Variants in ANO5 observed in about 807,000 individuals in gnomAD.
The protein encoded by ANO5 is anoctamin 5.
A neutral mutation model predicts 121.0 loss-of-function variants in ANO5; 109 were observed. That is an observed-to-expected ratio of 0.90 (90% confidence interval 0.77 to 1.06). The LOEUF (loss-of-function observed/expected upper bound fraction) is 1.06. ANO5 is among the 50% of genes least tolerant of loss of function. The pLI, the probability that ANO5 is intolerant of heterozygous loss-of-function variation, is 0.00. For missense variants in ANO5, 1,064 were observed against 1,078.5 expected (o/e 0.99, Z 0.19); for synonymous variants, 406 against 359.9 (o/e 1.13, Z -1.45).
intron 7 of ANO5, among the ~76,000 whole-genome samples, chr11:22,235,394 A>T (rs1212546129): frequency 6.6e-6 from 1 of 152,116 alleles, no homozygotes. Context: ...TGGAATATGG[A>T]GCTGCTCTTA....
At chr11:22,200,728 T>G (rs1851941353) in intron 1 of ANO5, among the ~76,000 whole-genome samples, 1 of 152,180 alleles carries the variant, frequency 6.6e-6, no homozygotes, top group Admixed American at 6.5e-5. Flanking sequence ...AATATGGTTT[T>G]AATATTATTA....
At chr11:22,244,900 AGCATT>A (rs1455025585) in intron 9 of ANO5, among the ~76,000 whole-genome samples, 1 of 152,088 alleles carries the variant, frequency 6.6e-6, no homozygotes, top group Admixed American at 6.6e-5. Flanking sequence ...CTAGTTAAGA[AGCATT>A]GCTGAGGAGC....
chr11:22,244,128 G>A (rs1221911578), intron 9 of ANO5, among the ~76,000 whole-genome samples: 2 of 152,040 alleles, frequency 1.3e-5, no homozygotes, highest in Admixed American at 6.6e-5. Flanking sequence ...GAATTTGCTT[G>A]TCTGAGAAGA....
rs1411006276 is a variant in ANO5 at position 22,281,828 on chromosome 11, G to A, written c.*2063G>A. ...ATTATTGGGTTTCTGGAAGTGAATG[G>A]AGAAAACAGCAAGGGAAGAAATCGT... On this transcript the variant is annotated 3_prime_UTR_variant, in exon 22 of 22. Coordinates refer to ENST00000324559, the MANE Select transcript of ANO5 (RefSeq NM_213599.3). 1 of 152,028 alleles carries A rather than the reference G, an allele frequency of 6.6e-6. No individual in the cohort carries two copies. The highest frequency in any genetic ancestry group is 1.5e-5 in the Non-Finnish European group (1 of 67,950). The allele number at this position is 152,028 out of a possible 1,614,324, so 9.4% of individuals were successfully genotyped here.
chr11:22,238,506 T>C (rs926708443), intron 8 of ANO5, among the ~76,000 whole-genome samples: 1 of 151,982 alleles, frequency 6.6e-6, no homozygotes, highest in Non-Finnish European at 1.5e-5. Context: ...TACTTTTTAA[T>C]CTTTCTTTAC....
At chr11:22,200,253 A>G (rs1239085488) in intron 1 of ANO5, among the ~76,000 whole-genome samples, 2 of 152,160 alleles carry the variant, frequency 1.3e-5, no homozygotes, top group African/African-American at 2.4e-5. Context: ...TTTTCCATGA[A>G]GTGATAGATT....
chr11:22,211,900 A>G (rs1852288933), intron 3 of ANO5, among the ~76,000 whole-genome samples: 2 of 151,946 alleles, frequency 1.3e-5, no homozygotes, highest in Non-Finnish European at 2.9e-5. Flanking sequence ...GCTTTTCACT[A>G]GAGTACTAAT....
chr11:22,264,979 TTCC>T (rs1854313792), intron 17 of ANO5, among the ~76,000 whole-genome samples: 2 of 152,148 alleles, frequency 1.3e-5, no homozygotes, highest in Non-Finnish European at 2.9e-5. Flanking sequence ...ATTAAGAGGC[TTCC>T]ACATTAATCT....
chr11:22,245,474 C>CT, intron 9 of ANO5, among the ~76,000 whole-genome samples: 1 of 151,912 alleles, frequency 6.6e-6, no homozygotes, highest in East Asian at 1.9e-4. Context: ...TTCTCTATTC[C>CT]TTTTTTTAGT....
intron 19 of ANO5, among the ~76,000 whole-genome samples, chr11:22,274,129 A>T (rs1175980544): frequency 6.6e-6 from 1 of 151,636 alleles, no homozygotes; most frequent in Admixed American, 6.6e-5. Context: ...AACACATGAT[A>T]TTCTGCTTCT....
At chr11:22,252,253 T>G (rs1853850527) in intron 12 of ANO5, among the ~76,000 whole-genome samples, 1 of 152,114 alleles carries the variant, frequency 6.6e-6, no homozygotes, top group African/African-American at 2.4e-5. Context: ...TTTTGTAAGT[T>G]GTTGTATATA....
In ANO5 at chr11:22,250,352, A is replaced by G. The variant is rs200553437; in HGVS notation, c.994A>G (p.Met332Val). 47 of 1,613,534 alleles carry G rather than the reference A, an allele frequency of 2.9e-5. No individual in the cohort carries two copies. In the Admixed American group the frequency reaches 3.3e-4, roughly 11 times the overall value. Residue 332 changes from methionine to valine, a missense_variant, in exon 10 of 22, where the codon ATG becomes GTG. Physicochemically the swap from Met to Val is conservative, Grantham distance 21 (BLOSUM62 1). Coordinates refer to ENST00000324559, the MANE Select transcript of ANO5 (RefSeq NM_213599.3). The part of the protein sequence containing the change: ...LACFIYGLLS[M>V]EHNTSSTEIC... ...TTGTTTTATTTATGGCTTATTATCAATGGAACATAACACAAGCAGGTAAGT... is the reference window on the plus strand; with the variant it reads ...TTGTTTTATTTATGGCTTATTATCAGTGGAACATAACACAAGCAGGTAAGT...
At chr11:22,250,144 A>C (rs530176758) in intron 9 of ANO5, 93 bp from the exon 10 acceptor site, 210 of 1,257,364 alleles carry the variant, frequency 1.7e-4, no homozygotes, top group Middle Eastern at 1.1e-3. Flanking sequence ...AGTGGAGCCA[A>C]AATTAGAATA....
intron 3 of ANO5, 132 bp from the exon 4 acceptor site, chr11:22,218,114 A>AACACACACACACAC: frequency 1.5e-6 from 1 of 669,410 alleles, no homozygotes; most frequent in Non-Finnish European, 2.6e-6. Context: ...AGTTTGAAAT[A>AACACACACACACAC]TCACACACAC....
In ANO5 at chr11:22,196,530, G is replaced by C. The variant is rs117124073; in HGVS notation, c.40+2998G>C. Among the ~76,000 whole-genome samples the C allele has an allele frequency of 1.8e-4, 27 of 147,532 alleles. No homozygotes were observed. In the East Asian group the frequency reaches 5.3e-3, roughly 29 times the overall value. On this transcript the variant is annotated intron_variant, in intron 1 of 21. Coordinates refer to ENST00000324559, the MANE Select transcript of ANO5 (RefSeq NM_213599.3). ...TTTTTTTTTTTTAATGAACATTCCA[G>C]TGGATTTTTAGAACTCTGCTTCCAG...
At chr11:22,261,234 T>A (rs1168610650) in intron 15 of ANO5, 1 of 152,228 alleles carries the variant, frequency 6.6e-6, no homozygotes, top group Admixed American at 6.5e-5. Context: ...AGAGGTTTAA[T>A]TGACTCGGTT....
chr11:22,259,892 A>G, intron 15 of ANO5, 151 bp downstream of exon 15: 1 of 784,122 alleles, frequency 1.3e-6, no homozygotes, highest in East Asian at 2.7e-5. Context: ...TGCTATTTCA[A>G]AATTGCTCAA....
chr11:22,241,907 A>C (rs1300143003), intron 9 of ANO5, among the ~76,000 whole-genome samples: 2 of 151,984 alleles, frequency 1.3e-5, no homozygotes, highest in Non-Finnish European at 2.9e-5. Context: ...CCCACTTGTC[A>C]ATTATTTTTT....
intron 9 of ANO5, among the ~76,000 whole-genome samples, chr11:22,249,717 A>G (rs568048049): frequency 6.6e-6 from 1 of 152,266 alleles, no homozygotes; most frequent in East Asian, 1.9e-4. Context: ...CATATGTCAC[A>G]ATCCTGTAAA....
Sources: gnomAD v4.1 joint callset for allele counts (sites outside exome capture counted in the v4.1 genomes callset) on GRCh38, gnomAD v4.1.1 for gene constraint, MANE v1.5 for transcripts, NCBI Gene and HGNC (gene_info 2026-07-23, HGNC 2026-07-21) for gene names.